ROBO1: variants seen among roughly 807,000 people sequenced by gnomAD.
The protein encoded by ROBO1 is roundabout guidance receptor 1, also known as roundabout homolog 1.
A neutral mutation model predicts 195.9 loss-of-function variants in ROBO1; 149 were observed. The ratio of observed to expected loss-of-function variants is 0.76; its 90% confidence interval spans 0.67 to 0.87. The LOEUF (loss-of-function observed/expected upper bound fraction) is 0.87. Ranked by LOEUF, ROBO1 falls within the 40% of genes least tolerant of loss-of-function variation. The pLI, the probability that ROBO1 is intolerant of heterozygous loss-of-function variation, is 0.00. For missense variants in ROBO1, 1,933 were observed against 2,068.3 expected (o/e 0.93, Z 1.27); for synonymous variants, 816 against 733.2 (o/e 1.11, Z -1.82).
intron 4 of ROBO1, among the ~76,000 whole-genome samples, chr3:78,801,069 T>A (rs1187743692): frequency 6.6e-6 from 1 of 152,192 alleles, no homozygotes; most frequent in Admixed American, 6.5e-5. Flanking sequence ...GAGCACTTAT[T>A]ATTGTGTGAC....
At position 79,276,094 on chromosome 3, in the gene ROBO1, G is replaced by A. The variant is rs530459002; in HGVS notation, c.89-150555C>T. Among the ~76,000 whole-genome samples the A allele has an allele frequency of 1.6e-4, 24 of 151,962 alleles. No homozygotes were observed. The East Asian group carries it at 4.6e-3, about 29-fold the overall frequency. On this transcript the variant is annotated intron_variant, in intron 2 of 30. Transcript: ENST00000464233. ...ATGCAATCCCTATCAAAATATCAAT[G>A]ACATTCTTCACAGCATATAAAAAAT...
At chr3:79,686,960 T>A (rs147568343) in intron 1 of ROBO1, among the ~76,000 whole-genome samples, 1 of 152,184 alleles carries the variant, frequency 6.6e-6, no homozygotes, top group Non-Finnish European at 1.5e-5. Flanking sequence ...CAACCTGACT[T>A]CAAACTATAC....
intron 2 of ROBO1, among the ~76,000 whole-genome samples, chr3:79,402,814 G>A (rs762257654): frequency 6.6e-6 from 1 of 151,906 alleles, no homozygotes; most frequent in Admixed American, 6.6e-5. Context: ...TAGATTTGGG[G>A]TTAGCTTGAC....
chr3:79,151,941 G>T (rs554814256), intron 2 of ROBO1, among the ~76,000 whole-genome samples: 2 of 151,848 alleles, frequency 1.3e-5, no homozygotes, highest in African/African-American at 4.8e-5. Context: ...TGACAGCCTT[G>T]GTCCCTGAGT....
Position 78,659,745 on chromosome 3 carries a change from G to A in ROBO1, c.2383C>T (p.Leu795=). ...TCTGGAGGTGGCTGCCAACTAACTA[G>A]AATTGCAGTTCCGTTTCCATCATTC... is the stretch of plus-strand genomic sequence containing the variant. The part of the protein sequence containing the change: ...SKNDGNGTAI[L]VSWQPPPEDT... Residue 795 remains leucine, a synonymous_variant, in exon 17 of 31, where the codon CTA becomes TTA. Transcript: ENST00000464233. 6.3e-7 allele frequency: 1 copy of A among 1,594,266 alleles called. No individual in the cohort carries two copies. Among genetic ancestry groups the A allele is most frequent in the Non-Finnish European group, 8.6e-7 (1 of 1,169,268 alleles).
At chr3:79,084,002 C>T (rs1576653910) in intron 3 of ROBO1, among the ~76,000 whole-genome samples, 1 of 152,136 alleles carries the variant, frequency 6.6e-6, no homozygotes, top group Non-Finnish European at 1.5e-5. Flanking sequence ...GAGATTTAAG[C>T]CACGATTAAT....
At chr3:79,473,484 G>A (rs1483238270) in intron 2 of ROBO1, among the ~76,000 whole-genome samples, 1 of 151,942 alleles carries the variant, frequency 6.6e-6, no homozygotes, top group Admixed American at 6.6e-5. Flanking sequence ...GGTGATTTTC[G>A]ACAAGGCCTC....
chr3:78,814,245 C>T (rs576597253), intron 4 of ROBO1, among the ~76,000 whole-genome samples: 1 of 151,814 alleles, frequency 6.6e-6, no homozygotes, highest in East Asian at 1.9e-4. Flanking sequence ...TAATGTGAGC[C>T]ACATATGCAA....
intron 4 of ROBO1, among the ~76,000 whole-genome samples, chr3:78,795,124 G>A (rs7650002): frequency 0.31 from 46,587 of 151,832 alleles, 7,566 homozygotes; most frequent in African/African-American, 0.4. Context: ...TAAAAAGATA[G>A]CATTCCCTTC....
chr3:78,685,812 A>G lies in ROBO1; in HGVS notation c.1276T>C (p.Tyr426His), dbSNP rs1221930779. 6.2e-7 allele frequency: 1 copy of G among 1,612,476 alleles called. No individual in the cohort carries two copies. Among genetic ancestry groups the G allele is most frequent in the South Asian group, 1.1e-5 (1 of 90,870 alleles). Reference protein sequence around the residue: ...TNVQRSDVGYYICQTLNVAGS... With the variant: ...TNVQRSDVGYHICQTLNVAGS... ...GCAACATTTAAAGTCTGGCAGATGT[A>G]ATAACCAACATCAGATCGCTGGACA... The change falls in exon 10 of 31, where the codon TAC (tyrosine) becomes CAC (histidine). Residue 426 changes from tyrosine to histidine, a missense_variant. Coordinates refer to ENST00000464233, the MANE Select transcript of ROBO1 (RefSeq NM_002941.4).
chr3:79,349,645 C>A (rs1483135612), intron 2 of ROBO1, among the ~76,000 whole-genome samples: 1 of 152,070 alleles, frequency 6.6e-6, no homozygotes, highest in Non-Finnish European at 1.5e-5. Context: ...AAATTGAGAG[C>A]CCAGAAACAA....
intron 2 of ROBO1, among the ~76,000 whole-genome samples, chr3:79,434,828 G>T (rs2038823357): frequency 6.6e-6 from 1 of 152,114 alleles, no homozygotes; most frequent in Non-Finnish European, 1.5e-5. Flanking sequence ...GTCCATCAAT[G>T]ATAGACTGGA....
chr3:79,442,018 A>T (rs1393314610), intron 2 of ROBO1, among the ~76,000 whole-genome samples: 1 of 151,906 alleles, frequency 6.6e-6, no homozygotes, highest in African/African-American at 2.4e-5. Context: ...AAGAGGACCA[A>T]TTTTTCCAAG....
At chr3:79,314,399 A>T (rs113342531) in intron 2 of ROBO1, among the ~76,000 whole-genome samples, 41,013 of 151,962 alleles carry the variant, frequency 0.27, 6,515 homozygotes, top group African/African-American at 0.45. Context: ...TGATAGTGAG[A>T]GAGTTCTCAT....
chr3:78,772,481 T>A (rs147246499), intron 4 of ROBO1, among the ~76,000 whole-genome samples: 1 of 152,210 alleles, frequency 6.6e-6, no homozygotes, highest in African/African-American at 2.4e-5. Flanking sequence ...AAAGATATAA[T>A]GTTAGGCATA....
chr3:79,662,506 G>A (rs974809241), intron 1 of ROBO1, among the ~76,000 whole-genome samples: 1 of 152,038 alleles, frequency 6.6e-6, no homozygotes, highest in African/African-American at 2.4e-5. Flanking sequence ...TTTAGTTGTA[G>A]TTTAATTAGT....
intron 2 of ROBO1, among the ~76,000 whole-genome samples, chr3:79,472,447 C>T (rs1347349060): frequency 1.3e-5 from 2 of 151,998 alleles, no homozygotes; most frequent in African/African-American, 4.8e-5. Context: ...CTAAGTGGGA[C>T]TCACCTATTT....
intron 2 of ROBO1, among the ~76,000 whole-genome samples, chr3:79,239,608 G>A (rs763675697): frequency 1.3e-5 from 2 of 152,096 alleles, no homozygotes; most frequent in African/African-American, 2.4e-5. Flanking sequence ...TATTATCAAC[G>A]GACTAACCAT....
intron 2 of ROBO1, among the ~76,000 whole-genome samples, chr3:79,232,976 G>A (rs1039789835): frequency 1.3e-5 from 2 of 151,976 alleles, no homozygotes; most frequent in Non-Finnish European, 1.5e-5. Context: ...ATAAGGAATA[G>A]CCTGTTATAT....
Sources: gnomAD v4.1 joint callset for allele counts (sites outside exome capture counted in the v4.1 genomes callset) on GRCh38, gnomAD v4.1.1 for gene constraint, MANE v1.5 for transcripts, NCBI Gene and HGNC (gene_info 2026-07-23, HGNC 2026-07-21) for gene names.